DOCK3: variants seen among roughly 807,000 people sequenced by gnomAD.
DOCK3 encodes the protein dedicator of cytokinesis protein 3.
A neutral mutation model predicts 265.6 loss-of-function variants in DOCK3; 60 were observed. The observed-to-expected ratio is 0.23, with a 90% CI of 0.18 to 0.28. DOCK3 has a LOEUF of 0.28. Among genes scored for constraint, DOCK3 ranks in the 10% least tolerant of loss-of-function variants. The pLI is 1.00. For synonymous variants in DOCK3, 881 were observed against 938.0 expected (o/e 0.94, Z 1.11); for missense variants, 1,981 against 2,594.3 (o/e 0.76, Z 5.14).
chr3:51,081,267 G>A (rs1576000712), intron 7 of DOCK3, among the ~76,000 whole-genome samples: 1 of 152,136 alleles, frequency 6.6e-6, no homozygotes, highest in African/African-American at 2.4e-5. Context: ...CAACAAATGA[G>A]TGTGGTACCA....
chr3:51,290,738 G>A (rs2081700943), intron 27 of DOCK3, among the ~76,000 whole-genome samples: 1 of 151,988 alleles, frequency 6.6e-6, no homozygotes, highest in Admixed American at 6.6e-5. Context: ...AAAGAGCAGG[G>A]GTAGCTATAC....
At chr3:50,689,236 C>T (rs1268038383) in intron 1 of DOCK3, among the ~76,000 whole-genome samples, 1 of 152,214 alleles carries the variant, frequency 6.6e-6, no homozygotes, top group African/African-American at 2.4e-5. Flanking sequence ...GCCTCAGCTT[C>T]ACCTCGGATC....
At chr3:51,060,907 G>A (rs1296309118) in intron 5 of DOCK3, among the ~76,000 whole-genome samples, 2 of 152,190 alleles carry the variant, frequency 1.3e-5, no homozygotes, top group African/African-American at 4.8e-5. Context: ...CAAAGGATAT[G>A]AACAGACACT....
At position 50,863,822 on chromosome 3, in the gene DOCK3, T is replaced by A. The variant is rs112260011; in HGVS notation, c.162+22107T>A. 4.6e-5 allele frequency among the ~76,000 whole-genome samples: 7 copies of A among 152,342 alleles called. 2 individuals are homozygous for A. The highest frequency in any genetic ancestry group is 1.7e-4 in the African/African-American group (7 of 41,582). ...GTTTTTATCATTGAATAACATTCAG[T>A]TTTGTATATATACTATATTTTCTTT... On this transcript the variant is annotated intron_variant, in intron 3 of 52. Coordinates refer to ENST00000266037, the MANE Select transcript of DOCK3 (RefSeq NM_004947.5).
At chr3:51,218,582 T>G (rs2089921999) in intron 14 of DOCK3, among the ~76,000 whole-genome samples, 1 of 152,198 alleles carries the variant, frequency 6.6e-6, no homozygotes, top group Admixed American at 6.5e-5. Context: ...CTGTAGTCAG[T>G]GGAAATAAAG....
chr3:51,128,714 G>A (rs1274796468), intron 9 of DOCK3, among the ~76,000 whole-genome samples: 5 of 152,170 alleles, frequency 3.3e-5, no homozygotes, highest in South Asian at 2.1e-4. Context: ...CTTGAGGAAC[G>A]GTGCCATATC....
In DOCK3 at chr3:51,119,568, A is replaced by T. The variant is rs186131305; in HGVS notation, c.747-26981A>T. 1.4e-4 allele frequency among the ~76,000 whole-genome samples: 21 copies of T among 152,278 alleles called. No individual in the cohort carries two copies. In the East Asian group the frequency reaches 2.5e-3, roughly 18 times the overall value. ...AATATCCTGATGTGTGTTTTCCAAC[A>T]TGGTTCCATTCTCCACATCACCTTC... On this transcript the variant is annotated intron_variant, in intron 9 of 52. Coordinates refer to ENST00000266037, the MANE Select transcript of DOCK3 (RefSeq NM_004947.5).
intron 21 of DOCK3, among the ~76,000 whole-genome samples, chr3:51,239,566 G>GTTTTTTTTTTT (rs748598302): frequency 8.4e-6 from 1 of 118,862 alleles, no homozygotes; most frequent in Admixed American, 8.1e-5. Context: ...TTTTTTTTTT[G>GTTTTTTTTTTT]TTTGTTTGTT....
chr3:51,175,818 C>CT (rs1480591531), intron 12 of DOCK3, among the ~76,000 whole-genome samples: 1 of 152,120 alleles, frequency 6.6e-6, no homozygotes. Flanking sequence ...GTACTGCTTC[C>CT]TACTTATAAG....
At chr3:51,212,951 T>C (rs2089595610) in intron 13 of DOCK3, among the ~76,000 whole-genome samples, 1 of 151,988 alleles carries the variant, frequency 6.6e-6, no homozygotes, top group African/African-American at 2.4e-5. Context: ...TAGAACCGTA[T>C]TTCCTCCCTT....
At chr3:51,249,999 G>C (rs940960885) in intron 22 of DOCK3, among the ~76,000 whole-genome samples, 1 of 151,728 alleles carries the variant, frequency 6.6e-6, no homozygotes, top group Non-Finnish European at 1.5e-5. Context: ...TCTCTGAAAC[G>C]TGCTGTGTCC....
At position 51,260,141 on chromosome 3, in the gene DOCK3, T is replaced by C; in HGVS notation, c.2185-15T>C. The C allele has an allele frequency of 6.2e-7, 1 of 1,608,858 alleles. No individual in the cohort carries two copies. Among genetic ancestry groups the C allele is most frequent in the Non-Finnish European group, 8.5e-7 (1 of 1,176,888 alleles). On this transcript the variant is annotated splice_polypyrimidine_tract_variant and intron_variant, in intron 22 of 52. Transcript: ENST00000266037. ...TTCAACATCTCTCCATCACTTTTTC[T>C]CCCACACTTTTCAGGCCTTGGAGTA...
intron 41 of DOCK3, among the ~76,000 whole-genome samples, chr3:51,355,629 G>C (rs1216725053): frequency 6.6e-6 from 1 of 152,218 alleles, no homozygotes; most frequent in African/African-American, 2.4e-5. Context: ...GCTTGTTTCA[G>C]AGAAGGGAGG....
At chr3:50,788,309 G>A in intron 2 of DOCK3, 2 of 365,952 alleles carry the variant, frequency 5.5e-6, no homozygotes, top group Non-Finnish European at 9.5e-6. Context: ...AATTTATTAA[G>A]CAGTTCAGAC....
chr3:50,878,885 C>T (rs7431469), intron 3 of DOCK3, among the ~76,000 whole-genome samples: 8,664 of 152,154 alleles, frequency 0.057, 863 homozygotes, highest in African/African-American at 0.2. Flanking sequence ...AGAGAAAAGT[C>T]GGGTTACCCA....
intron 1 of DOCK3, among the ~76,000 whole-genome samples, chr3:50,729,468 C>CA (rs1299091305): frequency 2.0e-5 from 3 of 151,154 alleles, no homozygotes; most frequent in Non-Finnish European, 4.4e-5. Context: ...ATACATGTGC[C>CA]ATGCTGGTGC....
chr3:50,719,748 G>A, intron 1 of DOCK3: 1 of 1,185,100 alleles, frequency 8.4e-7, no homozygotes, highest in Non-Finnish European at 1.3e-6. Flanking sequence ...CCTATAGATG[G>A]ACTTGCCACC....
chr3:50,863,250 A>G (rs1444057714), intron 3 of DOCK3, among the ~76,000 whole-genome samples: 1 of 152,016 alleles, frequency 6.6e-6, no homozygotes, highest in African/African-American at 2.4e-5. Context: ...AAGGGCAGAG[A>G]GTCCTTGGGC....
chr3:50,971,878 C>T (rs1575644032), intron 5 of DOCK3, among the ~76,000 whole-genome samples: 2 of 152,334 alleles, frequency 1.3e-5, no homozygotes, highest in East Asian at 3.9e-4. Context: ...ACTGATTAGA[C>T]TGGCAAGGGG....
Sources: gnomAD v4.1 joint callset for allele counts (sites outside exome capture counted in the v4.1 genomes callset) on GRCh38, gnomAD v4.1.1 for gene constraint, MANE v1.5 for transcripts, NCBI Gene and HGNC (gene_info 2026-07-23, HGNC 2026-07-21) for gene names.